The following EDIL3 variants were observed in gnomAD, a reference collection of about 807,000 sequenced individuals.
EDIL3 encodes EGF-like repeat and discoidin I-like domain-containing protein 3.
In EDIL3, 37 loss-of-function variants were observed where a neutral mutation model predicts 67.4. That is an observed-to-expected ratio of 0.55 (90% CI 0.42 to 0.72). The LOEUF (loss-of-function observed/expected upper bound fraction) is 0.72, where lower values mean the gene tolerates loss of function less well. Among genes scored for constraint, EDIL3 ranks in the 30% least tolerant of loss-of-function variants. The pLI, the probability that EDIL3 is intolerant of heterozygous loss-of-function variation, is 0.00. For synonymous variants in EDIL3, 195 were observed against 196.3 expected, an observed-to-expected ratio of 0.99 and a Z score of 0.05; for missense variants, 527 against 586.3, an observed-to-expected ratio of 0.90 and a Z score of 1.04.
chr5:84,138,811 A>G (rs1748137726), intron 4 of EDIL3, among the ~76,000 whole-genome samples: 1 of 152,178 alleles, frequency 6.6e-6, no homozygotes, highest in Non-Finnish European at 1.5e-5. Flanking sequence ...GTTGACAATC[A>G]TAGCTTAAGA....
intron 9 of EDIL3, among the ~76,000 whole-genome samples, chr5:84,001,042 C>CATTTTT (rs1329652925): frequency 1.3e-5 from 2 of 151,790 alleles, no homozygotes; most frequent in African/African-American, 4.8e-5. Context: ...AGAAAAACCA[C>CATTTTT]ATTTTTATTT....
intron 9 of EDIL3, among the ~76,000 whole-genome samples, chr5:83,994,084 T>C (rs1025233194): frequency 6.6e-6 from 1 of 152,180 alleles, no homozygotes; most frequent in African/African-American, 2.4e-5. Context: ...TAAACGGTCA[T>C]TGAAAACCTT....
At position 84,092,369 on chromosome 5, in the gene EDIL3, G is replaced by A. The variant is rs76664436; in HGVS notation, c.651+14280C>T. On this transcript the variant is annotated intron_variant, in intron 6 of 10. Transcript: ENST00000296591. ...TCTCAAACTTTGTAAATATAATAGC[G>A]AAATTAGAAAAGTTTTCCTCATGGT... Among the ~76,000 whole-genome samples the A allele has an allele frequency of 7.5e-3, 1,148 of 152,168 alleles. 46 individuals are homozygous for A. In the East Asian group the frequency reaches 0.1, roughly 14 times the overall value.
At chr5:84,223,019 T>A (rs1744376420) in intron 3 of EDIL3, among the ~76,000 whole-genome samples, 1 of 151,818 alleles carries the variant, frequency 6.6e-6, no homozygotes, top group African/African-American at 2.4e-5. Context: ...TTTTGATACC[T>A]GAGCTTTTGC....
rs1381567726 is a variant in EDIL3, at chr5:84,338,357, C to T, written c.67+45951G>A. ...ACTTGGTGGACTTCCTGCACTTCTG[C>T]CATCTGCCATGAGAGGACCATTCCT... On this transcript the variant is annotated intron_variant, in intron 1 of 10. Transcript: ENST00000296591. Among the ~76,000 whole-genome samples the T allele has an allele frequency of 3.3e-5, 5 of 152,252 alleles. No individual in the cohort carries two copies. In the East Asian group the frequency reaches 9.7e-4, roughly 29 times the overall value.
chr5:84,127,729 T>C (rs1356531125), intron 5 of EDIL3, among the ~76,000 whole-genome samples: 2 of 152,132 alleles, frequency 1.3e-5, no homozygotes, highest in African/African-American at 4.8e-5. Flanking sequence ...CCTTTTATTT[T>C]ATTTTTTTCG....
At chr5:84,140,503 T>C (rs1449890064) in intron 4 of EDIL3, among the ~76,000 whole-genome samples, 2 of 152,098 alleles carry the variant, frequency 1.3e-5, no homozygotes, top group African/African-American at 4.8e-5. Context: ...AGTTATAGGC[T>C]CATCAGGCCC....
intron 3 of EDIL3, chr5:84,196,749 C>T (rs920322972): frequency 2.0e-5 from 3 of 152,012 alleles, no homozygotes; most frequent in African/African-American, 4.8e-5. Context: ...TATTCCAGAT[C>T]AGCAGTTAGC....
At position 84,180,378 on chromosome 5, in the gene EDIL3, C is replaced by A; in HGVS notation, c.355+15G>T. 6.4e-7 allele frequency: 1 copy of A among 1,572,338 alleles called. No homozygotes were observed. The highest frequency in any genetic ancestry group is 8.6e-7 in the Non-Finnish European group (1 of 1,163,012). ...ATCAATAATAATAAAAGTACAATGA[C>A]TATGAATAACTTACTGTGCTGACAG... On this transcript the variant is annotated intron_variant, in intron 4 of 10. Coordinates refer to ENST00000296591, the MANE Select transcript of EDIL3 (RefSeq NM_005711.5).
chr5:84,131,868 T>C (rs1378494578), intron 5 of EDIL3, among the ~76,000 whole-genome samples: 2 of 152,132 alleles, frequency 1.3e-5, no homozygotes, highest in African/African-American at 4.8e-5. Flanking sequence ...CTCTACAATG[T>C]TTCAGCAATT....
At chr5:84,212,133 A>G (rs1188704162) in intron 3 of EDIL3, among the ~76,000 whole-genome samples, 1 of 152,174 alleles carries the variant, frequency 6.6e-6, no homozygotes, top group Non-Finnish European at 1.5e-5. Flanking sequence ...TACTGATACT[A>G]TACAGGTATT....
intron 9 of EDIL3, among the ~76,000 whole-genome samples, chr5:83,981,856 A>G (rs972992239): frequency 9.9e-5 from 15 of 152,072 alleles, no homozygotes; most frequent in African/African-American, 3.6e-4. Context: ...AGACTTTGCC[A>G]TCTGCTAGCC....
chr5:84,249,647 C>G (rs1356565851), intron 2 of EDIL3, among the ~76,000 whole-genome samples: 2 of 151,758 alleles, frequency 1.3e-5, no homozygotes. Flanking sequence ...TATTTTTTCC[C>G]TTTGATTACG....
intron 1 of EDIL3, among the ~76,000 whole-genome samples, chr5:84,371,357 A>ATATGTGTGTATATATG (rs1167925176): frequency 3.9e-4 from 55 of 140,692 alleles, no homozygotes; most frequent in Non-Finnish European, 7.0e-4. Flanking sequence ...GTGTGTATAT[A>ATATGTGTGTATATATG]TATGTGTGTA....
intron 5 of EDIL3, among the ~76,000 whole-genome samples, chr5:84,134,385 C>T (rs1298533521): frequency 6.6e-6 from 1 of 152,146 alleles, no homozygotes; most frequent in African/African-American, 2.4e-5. Context: ...AAAGGCTGCC[C>T]TCTGGGACAT....
intron 1 of EDIL3, among the ~76,000 whole-genome samples, chr5:84,305,452 C>G (rs146039542): frequency 6.6e-6 from 1 of 152,176 alleles, no homozygotes; most frequent in South Asian, 2.1e-4. Context: ...ATCCCAGGAG[C>G]CTTTTTAGAT....
intron 6 of EDIL3, among the ~76,000 whole-genome samples, chr5:84,074,599 T>TG: frequency 1.3e-5 from 2 of 151,712 alleles, no homozygotes; most frequent in South Asian, 2.1e-4. Flanking sequence ...CATGAAAAAA[T>TG]GCTCACCATC....
intron 2 of EDIL3, among the ~76,000 whole-genome samples, chr5:84,236,496 G>A (rs1470554495): frequency 6.6e-6 from 1 of 152,044 alleles, no homozygotes; most frequent in Non-Finnish European, 1.5e-5. Flanking sequence ...CTTGTCGACT[G>A]AATTCAAGTT....
At chr5:84,333,524 T>C (rs1746918105) in intron 1 of EDIL3, among the ~76,000 whole-genome samples, 1 of 152,110 alleles carries the variant, frequency 6.6e-6, no homozygotes, top group African/African-American at 2.4e-5. Flanking sequence ...GAAAGATAAA[T>C]TTCTATGTCA....
Sources: gnomAD v4.1 joint callset for allele counts (sites outside exome capture counted in the v4.1 genomes callset) on GRCh38, gnomAD v4.1.1 for gene constraint, MANE v1.5 for transcripts, NCBI Gene and HGNC (gene_info 2026-07-23, HGNC 2026-07-21) for gene names.